The following RC3H1 variants were observed in gnomAD, a reference collection of about 807,000 sequenced individuals.
RC3H1 encodes ring finger and CCCH-type domains 1.
Under a neutral mutation model 138.2 loss-of-function variants are expected in RC3H1, and 50 were observed. That is an observed-to-expected ratio of 0.36 (90% confidence interval 0.29 to 0.46). RC3H1 has a LOEUF of 0.46. Among genes scored for constraint, RC3H1 ranks in the 20% least tolerant of loss-of-function variants. The pLI is 1.00. For synonymous variants in RC3H1, 462 were observed against 489.1 expected (o/e 0.94, Z 0.73); for missense variants, 1,031 against 1,388.1 (o/e 0.74, Z 4.09).
At position 173,961,879 on chromosome 1, in the gene RC3H1, C is replaced by T; in HGVS notation, c.2048G>A (p.Arg683Lys). The T allele has an allele frequency of 6.2e-7, 1 of 1,614,136 alleles. No individual in the cohort carries two copies. Among genetic ancestry groups the T allele is most frequent in the Middle Eastern group, 1.7e-4 (1 of 6,056 alleles). Residue 683 changes from arginine (R) to lysine (K), a missense_variant, in exon 12 of 20, where the codon AGA (arginine) becomes AAA (lysine). Arg to Lys is a conservative substitution (Grantham distance 26). Around this residue, in one of 7 missense-constraint regions of RC3H1, gnomAD observed 716 missense variants for 837.9 expected, o/e 0.85. Transcript: ENST00000367696. ...RRVYPAPSYT[R>K]EEIFRESPIP... ...AGGGCTTTCTCGGAATATCTCTTCTCTTGTGTAAGACGGAGCAGGGTACAC... is the reference window on the plus strand; with the variant it reads ...AGGGCTTTCTCGGAATATCTCTTCTTTTGTGTAAGACGGAGCAGGGTACAC...
chr1:173,993,078 C>T lies in RC3H1; in HGVS notation c.-93G>A. 1.5e-6 allele frequency: 1 copy of T among 668,344 alleles called. No individual in the cohort carries two copies. 41.4% of individuals were successfully genotyped at this position (668,344 alleles called of 1,614,324 possible). ...TCAAAATCTTTGAAAAAAAGTTTAT[C>T]TTTTTTTTTTTTAAATATCTTCTGT... On this transcript the variant is annotated 5_prime_UTR_variant, in exon 2 of 20. Transcript: ENST00000367696.
At chr1:173,961,033 C>T (rs1391245771) in intron 13 of RC3H1, 44 bp downstream of exon 13, 3 of 1,582,446 alleles carry the variant, frequency 1.9e-6, no homozygotes, top group African/African-American at 1.4e-5. Flanking sequence ...ACCGGACACA[C>T]ACAAAAAAAC....
intron 2 of RC3H1, among the ~76,000 whole-genome samples, chr1:173,990,498 T>G (rs1333036512): frequency 7.0e-6 from 1 of 142,654 alleles, no homozygotes; most frequent in African/African-American, 3.0e-5. Flanking sequence ...ATATATTACT[T>G]ATTTAACAGT....
chr1:173,959,857 A>ACACTTTG (rs1276085725), intron 13 of RC3H1, among the ~76,000 whole-genome samples: 2 of 151,484 alleles, frequency 1.3e-5, no homozygotes, highest in African/African-American at 4.9e-5. Context: ...TGTAATCCCA[A>ACACTTTG]CACTTTGGGA....
chr1:173,955,275 A>T (rs1471926888), intron 13 of RC3H1, among the ~76,000 whole-genome samples: 1 of 149,296 alleles, frequency 6.7e-6, no homozygotes, highest in Non-Finnish European at 1.5e-5. Flanking sequence ...CAACAACAAC[A>T]ACAACAACAA....
chr1:174,018,333 TAAG>T (rs1463578428), intron 1 of RC3H1, among the ~76,000 whole-genome samples: 3 of 152,062 alleles, frequency 2.0e-5, no homozygotes, highest in Non-Finnish European at 4.4e-5. Flanking sequence ...TATAAACTAA[TAAG>T]AAGTATCTAA....
intron 8 of RC3H1, 66 bp from the exon 9 acceptor site, chr1:173,970,683 G>T: frequency 2.0e-6 from 2 of 993,238 alleles, no homozygotes; most frequent in Non-Finnish European, 3.1e-6. Context: ...ATTTTGTGTT[G>T]TCATTTTAGG....
At chr1:173,993,554 T>C (rs1661380900) in intron 1 of RC3H1, among the ~76,000 whole-genome samples, 1 of 151,708 alleles carries the variant, frequency 6.6e-6, no homozygotes, top group Non-Finnish European at 1.5e-5. Context: ...CCACCACACC[T>C]GACTAATTTT....
At chr1:173,949,327 G>C (rs1659281890) in intron 14 of RC3H1, among the ~76,000 whole-genome samples, 1 of 151,674 alleles carries the variant, frequency 6.6e-6, no homozygotes, top group African/African-American at 2.4e-5. Flanking sequence ...AGGACAAATG[G>C]GTTAAGAATA....
chr1:174,012,714 G>A (rs1661790069), intron 1 of RC3H1, among the ~76,000 whole-genome samples: 1 of 151,570 alleles, frequency 6.6e-6, no homozygotes, highest in Non-Finnish European at 1.5e-5. Flanking sequence ...GACCCAGGAG[G>A]CAGAGCTTGC....
chr1:173,960,759 A>G (rs949123378), intron 13 of RC3H1, among the ~76,000 whole-genome samples: 8 of 152,216 alleles, frequency 5.3e-5, no homozygotes, highest in African/African-American at 1.9e-4. Context: ...AGACTGACGG[A>G]AAAGAATAGG....
chr1:173,944,517 A>G (rs1310524378), intron 17 of RC3H1, among the ~76,000 whole-genome samples: 6 of 152,234 alleles, frequency 3.9e-5, no homozygotes, highest in Admixed American at 3.9e-4. Context: ...TGTATACCAC[A>G]TGTAACAAAC....
chr1:173,997,126 G>A (rs1229057017), intron 1 of RC3H1, among the ~76,000 whole-genome samples: 8 of 152,104 alleles, frequency 5.3e-5, no homozygotes, highest in African/African-American at 2.4e-5. Flanking sequence ...ATGGGAGGCT[G>A]AGGCAAGAGG....
At chr1:173,960,503 A>G (rs568054683) in intron 13 of RC3H1, among the ~76,000 whole-genome samples, 19 of 152,324 alleles carry the variant, frequency 1.2e-4, no homozygotes, top group African/African-American at 4.6e-4. Context: ...TGACTATAGT[A>G]CATCTGAACT....
rs991551873 is a variant in RC3H1 at position 173,938,116 on chromosome 1, A to G, written c.*605T>C. 1.3e-5 allele frequency: 2 copies of G among 152,216 alleles called. No individual in the cohort carries two copies. Among genetic ancestry groups the G allele is most frequent in the Non-Finnish European group, 2.9e-5 (2 of 68,024 alleles). 9.4% of individuals were successfully genotyped at this position (152,216 alleles called of 1,614,324 possible). ...AAAAATATACGTATCCAATGAAGCT[A>G]GTGATCTAGAAAGGGATAAAGAATT... On this transcript the variant is annotated 3_prime_UTR_variant, in exon 20 of 20. Coordinates refer to ENST00000367696, the MANE Select transcript of RC3H1 (RefSeq NM_172071.4).
intron 5 of RC3H1, among the ~76,000 whole-genome samples, chr1:173,981,815 T>C (rs529642947): frequency 6.6e-6 from 1 of 151,976 alleles, no homozygotes; most frequent in Non-Finnish European, 1.5e-5. Context: ...GCAGGAGAAT[T>C]GCTTGACCCA....
intron 16 of RC3H1, 63 bp downstream of exon 16, chr1:173,946,683 A>G (rs1659151888): frequency 6.3e-7 from 1 of 1,598,574 alleles, no homozygotes; most frequent in Non-Finnish European, 8.5e-7. Context: ...AGAAAAACAA[A>G]AAGAAGTTGC....
chr1:174,003,660 G>T (rs975768538), intron 1 of RC3H1, among the ~76,000 whole-genome samples: 6 of 150,632 alleles, frequency 4.0e-5, no homozygotes, highest in Non-Finnish European at 5.9e-5. Context: ...AAAAATCAGA[G>T]AATTTTTTTT....
At chr1:173,950,926 C>G (rs1659368140) in intron 14 of RC3H1, among the ~76,000 whole-genome samples, 1 of 151,934 alleles carries the variant, frequency 6.6e-6, no homozygotes, top group South Asian at 2.1e-4. Flanking sequence ...GTCTTAGGTA[C>G]TCAGGAGGAT....
Sources: gnomAD v4.1 joint callset for allele counts (sites outside exome capture counted in the v4.1 genomes callset) on GRCh38, gnomAD v4.1.1 for gene constraint, gnomAD v4.1.1 regional missense constraint, MANE v1.5 for transcripts, NCBI Gene and HGNC (gene_info 2026-07-23, HGNC 2026-07-21) for gene names.